RBFOX1: variants seen among roughly 807,000 people sequenced by gnomAD.
RBFOX1 encodes the protein RNA binding fox-1 homolog 1.
A neutral mutation model predicts 57.7 loss-of-function variants in RBFOX1; 8 were observed. That is an observed-to-expected ratio of 0.14 (90% CI 0.08 to 0.25). The LOEUF (loss-of-function observed/expected upper bound fraction) is 0.25. Among genes scored for constraint, RBFOX1 ranks in the 10% least tolerant of loss-of-function variants. RBFOX1 has a pLI of 1.00. For synonymous variants in RBFOX1, 326 were observed against 222.4 expected, an observed-to-expected ratio of 1.47 and a Z score of -4.15; for missense variants, 611 against 548.5, an observed-to-expected ratio of 1.11 and a Z score of -1.14.
chr16:5,900,060 A>G (rs2058269335), intron 4 of RBFOX1, among the ~76,000 whole-genome samples: 1 of 152,234 alleles, frequency 6.6e-6, no homozygotes, highest in African/African-American at 2.4e-5. Context: ...CCTTGGTGAC[A>G]GAGCAAGACT....
chr16:5,346,676 G>T (rs1019856252), intron 1 of RBFOX1, among the ~76,000 whole-genome samples: 3 of 152,192 alleles, frequency 2.0e-5, no homozygotes, highest in African/African-American at 7.2e-5. Context: ...TGTGGGAGTG[G>T]AGTGAGATGA....
At chr16:6,712,727 C>A (rs2063942124) in intron 3 of RBFOX1, among the ~76,000 whole-genome samples, 1 of 152,134 alleles carries the variant, frequency 6.6e-6, no homozygotes, top group Non-Finnish European at 1.5e-5. Flanking sequence ...CCCCACCTCC[C>A]CTCCTATCAC....
intron 4 of RBFOX1, among the ~76,000 whole-genome samples, chr16:7,440,740 G>A (rs1489086030): frequency 6.6e-6 from 1 of 152,128 alleles, no homozygotes; most frequent in East Asian, 1.9e-4. Flanking sequence ...AAGAAGGAAA[G>A]GAAATGAAAC....
In RBFOX1 at chr16:7,163,444, G is replaced by A. The variant is rs555902233; in HGVS notation, c.27+111346G>A. 2.0e-5 allele frequency among the ~76,000 whole-genome samples: 3 copies of A among 152,116 alleles called. No individual in the cohort carries two copies. The East Asian group carries it at 5.8e-4, about 30-fold the overall frequency. On this transcript the variant is annotated intron_variant, in intron 4 of 15. Coordinates refer to ENST00000550418, the MANE Select transcript of RBFOX1 (RefSeq NM_018723.4). ...GGCTGGTCTGGTGACGTTTTGCTTTGCAAGTGGGTGACTGACATCCTTCAC... is the reference window on the plus strand; with the variant it reads ...GGCTGGTCTGGTGACGTTTTGCTTTACAAGTGGGTGACTGACATCCTTCAC...
At chr16:6,931,916 C>T (rs368704817) in intron 3 of RBFOX1, among the ~76,000 whole-genome samples, 6 of 152,214 alleles carry the variant, frequency 3.9e-5, no homozygotes, top group South Asian at 2.1e-4. Flanking sequence ...AGGGAGGAGG[C>T]GAGGAGTAAG....
intron 2 of RBFOX1, among the ~76,000 whole-genome samples, chr16:6,649,971 G>A (rs1423400412): frequency 6.6e-6 from 1 of 152,140 alleles, no homozygotes; most frequent in Non-Finnish European, 1.5e-5. Context: ...TGCTATAAAA[G>A]TGGGGTATTC....
chr16:6,688,025 C>T (rs2059691239), intron 3 of RBFOX1, among the ~76,000 whole-genome samples: 1 of 152,188 alleles, frequency 6.6e-6, no homozygotes, highest in South Asian at 2.1e-4. Context: ...CTATGCACCT[C>T]ACCTGTTGTA....
At chr16:6,974,690 G>A (rs1017019718) in intron 3 of RBFOX1, among the ~76,000 whole-genome samples, 2 of 151,908 alleles carry the variant, frequency 1.3e-5, no homozygotes, top group Non-Finnish European at 2.9e-5. Context: ...CCATCAGGAG[G>A]GTAGTAACAT....
At chr16:6,047,819 G>T (rs1228096276) in intron 1 of RBFOX1, among the ~76,000 whole-genome samples, 1 of 152,130 alleles carries the variant, frequency 6.6e-6, no homozygotes, top group East Asian at 1.9e-4. Flanking sequence ...AGCATGGAGG[G>T]TATACCATGG....
At chr16:7,301,226 T>C (rs1280897660) in intron 4 of RBFOX1, among the ~76,000 whole-genome samples, 1 of 152,234 alleles carries the variant, frequency 6.6e-6, no homozygotes, top group Non-Finnish European at 1.5e-5. Flanking sequence ...AGCACTGATG[T>C]TATCAATGGA....
intron 4 of RBFOX1, among the ~76,000 whole-genome samples, chr16:7,211,673 G>C (rs1440745448): frequency 6.6e-6 from 1 of 152,130 alleles, no homozygotes; most frequent in Non-Finnish European, 1.5e-5. Flanking sequence ...AAGAATGTAA[G>C]TTACACTGAT....
At chr16:7,270,683 A>C (rs1188037497) in intron 4 of RBFOX1, among the ~76,000 whole-genome samples, 1 of 152,186 alleles carries the variant, frequency 6.6e-6, no homozygotes, top group Non-Finnish European at 1.5e-5. Flanking sequence ...CTTCTCTTTA[A>C]AAATGGAAGC....
chr16:6,779,661 A>G (rs963321275), intron 3 of RBFOX1, among the ~76,000 whole-genome samples: 2 of 140,246 alleles, frequency 1.4e-5, no homozygotes, highest in African/African-American at 2.6e-5. Flanking sequence ...TCTTCTCCAT[A>G]TCCTTACCAG....
At position 7,013,455 on chromosome 16, in the gene RBFOX1, C is replaced by T. The variant is rs527355127; in HGVS notation, c.-15-38602C>T. 9.8e-5 allele frequency among the ~76,000 whole-genome samples: 15 copies of T among 152,314 alleles called. No individual in the cohort carries two copies. In the East Asian group the frequency reaches 2.7e-3, roughly 28 times the overall value. ...TGCTACGACTGGGAAGAGGATGCTACTCGCATCTAGCAGATGGAGTGAAGG... is the reference window on the plus strand; with the variant it reads ...TGCTACGACTGGGAAGAGGATGCTATTCGCATCTAGCAGATGGAGTGAAGG... On this transcript the variant is annotated intron_variant, in intron 3 of 15. Coordinates refer to ENST00000550418, the MANE Select transcript of RBFOX1 (RefSeq NM_018723.4).
chr16:5,490,938 C>T (rs887237729), intron 2 of RBFOX1, among the ~76,000 whole-genome samples: 27 of 152,158 alleles, frequency 1.8e-4, no homozygotes, highest in Admixed American at 1.6e-3. Flanking sequence ...AGCGTAGTTA[C>T]GCAAACCTAG....
At chr16:6,897,234 A>C (rs1170991260) in intron 3 of RBFOX1, among the ~76,000 whole-genome samples, 1 of 152,182 alleles carries the variant, frequency 6.6e-6, no homozygotes, top group Non-Finnish European at 1.5e-5. Flanking sequence ...ATAGAGTAGA[A>C]AATATTTGCA....
At chr16:6,995,615 C>A (rs2092136117) in intron 3 of RBFOX1, among the ~76,000 whole-genome samples, 1 of 152,026 alleles carries the variant, frequency 6.6e-6, no homozygotes, top group African/African-American at 2.4e-5. Context: ...CAAAAATTAG[C>A]TGGACGTGGT....
chr16:6,881,797 A>C (rs74716748), intron 3 of RBFOX1, among the ~76,000 whole-genome samples: 29 of 152,136 alleles, frequency 1.9e-4, no homozygotes, highest in Middle Eastern at 3.2e-3. Flanking sequence ...CCTCAATGCA[A>C]CCTACATACT....
intron 2 of RBFOX1, among the ~76,000 whole-genome samples, chr16:6,393,261 G>A (rs2092684956): frequency 6.6e-6 from 1 of 152,174 alleles, no homozygotes; most frequent in African/African-American, 2.4e-5. Flanking sequence ...CCAGTCATTA[G>A]GGTTTTAAGA....
Sources: allele counts gnomAD v4.1 joint callset (sites outside exome capture counted in the v4.1 genomes callset), GRCh38; gene constraint gnomAD v4.1.1; transcripts MANE v1.5; gene names NCBI Gene and HGNC (gene_info 2026-07-23, HGNC 2026-07-21).